The following BLOC1S5 variants were observed in gnomAD, a reference collection of about 807,000 sequenced individuals.
The protein encoded by BLOC1S5 is biogenesis of lysosomal organelles complex 1 subunit 5, also known as biogenesis of lysosome-related organelles complex 1 subunit 5.
A neutral mutation model predicts 24.3 loss-of-function variants in BLOC1S5; 27 were observed. The ratio of observed to expected loss-of-function variants is 1.11; its 90% confidence interval spans 0.82 to 1.53. BLOC1S5 has a LOEUF of 1.53. BLOC1S5 is among the 40% of genes most tolerant of loss of function. The pLI is 0.00. For missense variants in BLOC1S5, 239 were observed against 229.4 expected (o/e 1.04, Z -0.27); for synonymous variants, 84 against 74.5 (o/e 1.13, Z -0.66).
intron 2 of BLOC1S5, among the ~76,000 whole-genome samples, chr6:8,060,590 T>G (rs543911804): frequency 2.6e-5 from 4 of 152,120 alleles, no homozygotes; most frequent in African/African-American, 9.6e-5. Context: ...GTGAGCTGGG[T>G]TGGGATAGGG....
chr6:8,058,580 CT>C (rs1764404400), intron 2 of BLOC1S5, among the ~76,000 whole-genome samples: 1 of 152,062 alleles, frequency 6.6e-6, no homozygotes, highest in African/African-American at 2.4e-5. Context: ...GTCCCAGCTA[CT>C]TGGGAGGCTG....
intron 3 of BLOC1S5, among the ~76,000 whole-genome samples, chr6:8,039,580 T>A (rs544235099): frequency 4.6e-5 from 7 of 152,078 alleles, no homozygotes; most frequent in Non-Finnish European, 1.0e-4. Flanking sequence ...TATACAATAA[T>A]ACAAAAGTAA....
At chr6:8,021,580 C>G (rs1041701153) in intron 4 of BLOC1S5, among the ~76,000 whole-genome samples, 7 of 151,690 alleles carry the variant, frequency 4.6e-5, no homozygotes, top group African/African-American at 1.7e-4. Context: ...CCCTGGGTGA[C>G]AAAAGCAAAA....
chr6:8,027,708 C>T (rs1479094776), intron 3 of BLOC1S5, among the ~76,000 whole-genome samples: 2 of 151,950 alleles, frequency 1.3e-5, no homozygotes, highest in African/African-American at 2.4e-5. Context: ...GTGGCACATG[C>T]CTGTAGTCCC....
intron 2 of BLOC1S5, among the ~76,000 whole-genome samples, chr6:8,053,037 T>C (rs968828097): frequency 1.3e-5 from 2 of 152,174 alleles, no homozygotes; most frequent in African/African-American, 4.8e-5. Flanking sequence ...CTGGTGAAAT[T>C]AGGCCAATTA....
intron 3 of BLOC1S5, among the ~76,000 whole-genome samples, chr6:8,031,527 G>C (rs145428582): frequency 6.6e-6 from 1 of 152,014 alleles, no homozygotes; most frequent in African/African-American, 2.4e-5. Context: ...TAAATATTGT[G>C]AAATGTCCAT....
At chr6:8,063,021 A>C (rs1262197761) in intron 1 of BLOC1S5, among the ~76,000 whole-genome samples, 1 of 152,164 alleles carries the variant, frequency 6.6e-6, no homozygotes, top group Non-Finnish European at 1.5e-5. Flanking sequence ...AGTTACACTT[A>C]TCAACATAAA....
intron 4 of BLOC1S5, among the ~76,000 whole-genome samples, chr6:8,019,610 G>GGC (rs1200896825): frequency 9.4e-5 from 13 of 137,754 alleles, no homozygotes; most frequent in African/African-American, 4.5e-4. Context: ...AGAAAAAAGG[G>GGC]GGGGGGGGCG....
intron 2 of BLOC1S5, among the ~76,000 whole-genome samples, chr6:8,049,388 G>T (rs1764027509): frequency 6.7e-6 from 1 of 149,484 alleles, no homozygotes; most frequent in East Asian, 2.0e-4. Flanking sequence ...AAAAAGAAAG[G>T]AAAGAAAGAA....
At chr6:8,045,596 C>A (rs1441942629) in intron 2 of BLOC1S5, among the ~76,000 whole-genome samples, 1 of 152,172 alleles carries the variant, frequency 6.6e-6, no homozygotes, top group Non-Finnish European at 1.5e-5. Flanking sequence ...GGAGGCTGTA[C>A]CCTGCAAAGC....
At chr6:8,062,209 G>A (rs993816713) in intron 2 of BLOC1S5, among the ~76,000 whole-genome samples, 2 of 152,008 alleles carry the variant, frequency 1.3e-5, no homozygotes, top group Non-Finnish European at 2.9e-5. Flanking sequence ...AAAAATTACA[G>A]AAAATGAGTC....
intron 4 of BLOC1S5, among the ~76,000 whole-genome samples, chr6:8,022,354 C>A (rs975526486): frequency 1.3e-5 from 2 of 151,266 alleles, no homozygotes; most frequent in African/African-American, 4.9e-5. Context: ...GTTGAGAAAA[C>A]CTGGTCTACG....
Position 8,013,642 on chromosome 6 carries a change from A to C in BLOC1S5, c.*2007T>G, listed in dbSNP as rs931345976. 2.0e-4 allele frequency: 30 copies of C among 152,354 alleles called. No homozygotes were observed. The highest frequency in any genetic ancestry group is 7.2e-4 in the African/African-American group (30 of 41,580). 9.4% of individuals were successfully genotyped at this position (152,354 alleles called of 1,614,324 possible). Reference sequence around the variant, plus strand: ...TCTTTGCTATACAAGTTGGGTAGCCACAGTTAAGAATATATTCCCTTCACA... The same window carrying C: ...TCTTTGCTATACAAGTTGGGTAGCCCCAGTTAAGAATATATTCCCTTCACA... On this transcript the variant is annotated 3_prime_UTR_variant, in exon 5 of 5. Transcript: ENST00000397457.
chr6:8,031,002 G>A (rs936199504), intron 3 of BLOC1S5, among the ~76,000 whole-genome samples: 4 of 152,116 alleles, frequency 2.6e-5, no homozygotes, highest in Admixed American at 6.6e-5. Context: ...AGCCATCTAC[G>A]ACAAACCCAC....
intron 2 of BLOC1S5, among the ~76,000 whole-genome samples, chr6:8,052,035 C>T (rs1764125013): frequency 3.6e-5 from 5 of 139,292 alleles, no homozygotes; most frequent in Admixed American, 3.2e-4. Context: ...GGTGCGATCT[C>T]GGCTCACTGC....
In BLOC1S5 at chr6:8,027,822, CAA is replaced by C. The variant is rs34329491; in HGVS notation, c.326-1399_326-1398del. On this transcript the variant is annotated intron_variant, in intron 3 of 4. Transcript: ENST00000397457. Reference sequence around the variant, plus strand: ...TGGGCAACAGAGCGAGACTCCATCTCAAAAAAAAAAAAAAAAATACAATAAGC... The same window carrying C: ...TGGGCAACAGAGCGAGACTCCATCTCAAAAAAAAAAAAAAATACAATAAGC... 1.8e-4 allele frequency among the ~76,000 whole-genome samples: 22 copies of C among 125,324 alleles called. 1 individual carries two copies. Among genetic ancestry groups the C allele is most frequent in the African/African-American group, 3.1e-4 (10 of 32,524 alleles). The allele number at this position is 125,324 out of a possible 152,430, so 82.2% of individuals were successfully genotyped here. A position where few individuals can be genotyped will look rare whatever the true frequency, so the allele number is the denominator to read the frequency against.
rs185998338 is a variant in BLOC1S5, at chr6:8,036,654, T to A, written c.325+4485A>T. Among the ~76,000 whole-genome samples the A allele has an allele frequency of 6.6e-5, 10 of 152,048 alleles. No homozygotes were observed. The East Asian group carries it at 1.9e-3, about 29-fold the overall frequency. ...CAAAAAACCTGAAGAGGAGAGAATATCCCCAACTCATTCTACAAGGCCAGC... is the reference window on the plus strand; with the variant it reads ...CAAAAAACCTGAAGAGGAGAGAATAACCCCAACTCATTCTACAAGGCCAGC... On this transcript the variant is annotated intron_variant, in intron 3 of 4. Transcript: ENST00000397457.
intron 4 of BLOC1S5, among the ~76,000 whole-genome samples, chr6:8,019,548 C>A (rs1032880254): frequency 5.3e-5 from 8 of 149,644 alleles, no homozygotes; most frequent in African/African-American, 1.7e-4. Flanking sequence ...GGATTACAGG[C>A]ATGAGCCACC....
At chr6:8,031,098 T>C (rs1561859132) in intron 3 of BLOC1S5, among the ~76,000 whole-genome samples, 1 of 152,184 alleles carries the variant, frequency 6.6e-6, no homozygotes, top group Non-Finnish European at 1.5e-5. Flanking sequence ...TCACCATTTC[T>C]ATTCAACATA....
Sources: gnomAD v4.1 joint callset for allele counts (sites outside exome capture counted in the v4.1 genomes callset) on GRCh38, gnomAD v4.1.1 for gene constraint, MANE v1.5 for transcripts, NCBI Gene and HGNC (gene_info 2026-07-23, HGNC 2026-07-21) for gene names.